Variants in RPP38 observed in about 807,000 individuals in gnomAD.
RPP38 encodes ribonuclease P protein subunit p38.
In RPP38, 2 loss-of-function variants were observed where a neutral mutation model predicts 1.7. The ratio of observed to expected loss-of-function variants is 1.18; its 90% CI spans 0.48 to 3.70. The LOEUF is 3.70. RPP38 is among the 30% of genes most tolerant of loss of function. The pLI is 0.07. For synonymous variants in RPP38, 151 were observed against 131.8 expected, an observed-to-expected ratio of 1.15 and a Z score of -1.00; for missense variants, 358 against 340.1, an observed-to-expected ratio of 1.05 and a Z score of -0.41.
rs576516409 is a variant in RPP38, at chr10:15,098,428, G to T, written c.-130+662G>T. Reference sequence around the variant, plus strand: ...TTAGTAGAGACGGGTCACCACGTTGGTCAGGCTAGTCTCGATCTACTGACC... The same window carrying T: ...TTAGTAGAGACGGGTCACCACGTTGTTCAGGCTAGTCTCGATCTACTGACC... On this transcript the variant is annotated intron_variant, in intron 1 of 2. Coordinates refer to ENST00000378197, the MANE Select transcript of RPP38 (RefSeq NM_183005.5). 2.7e-5 allele frequency among the ~76,000 whole-genome samples: 4 copies of T among 150,634 alleles called. No homozygotes were observed. In the East Asian group the frequency reaches 8.0e-4, roughly 30 times the overall value.
intron 1 of RPP38, among the ~76,000 whole-genome samples, chr10:15,099,579 A>G (rs1845056781): frequency 6.6e-6 from 1 of 151,528 alleles, no homozygotes; most frequent in South Asian, 2.1e-4. Context: ...GGTTCAAGCA[A>G]TTCCCCTACC....
chr10:15,099,085 A>C (rs1214406938), intron 1 of RPP38, among the ~76,000 whole-genome samples: 1 of 152,116 alleles, frequency 6.6e-6, no homozygotes, highest in Non-Finnish European at 1.5e-5. Context: ...AAAAATACTT[A>C]ATCTTTATGG....
chr10:15,099,410 T>A (rs112003997), intron 1 of RPP38, among the ~76,000 whole-genome samples: 2,104 of 152,074 alleles, frequency 0.014, 53 homozygotes, highest in African/African-American at 0.048. Flanking sequence ...GGCTACGGGA[T>A]TGCCTGAGCC....
rs778504574 is a variant in RPP38 at position 15,104,127 on chromosome 10, A to G, written c.813A>G (p.Ile271Met). 4 of 1,577,672 alleles carry G rather than the reference A, an allele frequency of 2.5e-6. No homozygotes were observed. The highest frequency in any genetic ancestry group is 1.2e-5 in the South Asian group (1 of 84,190). Reference sequence around the variant, plus strand: ...AACTGATTCCAAACCCTAATAAGATAAGGAAACCACCCAAAAGTAAAAAAG... The same window carrying G: ...AACTGATTCCAAACCCTAATAAGATGAGGAAACCACCCAAAAGTAAAAAAG... ...IKKLIPNPNK[I>M]RKPPKSKKAT... The change falls in exon 3 of 3, where the codon ATA becomes ATG. Residue 271 changes from isoleucine to methionine, a missense_variant. Physicochemically the swap from Ile to Met is conservative, Grantham distance 10. Transcript: ENST00000378197.
At position 15,103,979 on chromosome 10, in the gene RPP38, A is replaced by T. The variant is rs779734454; in HGVS notation, c.665A>T (p.Glu222Val). 5.0e-6 allele frequency: 8 copies of T among 1,613,986 alleles called. No individual in the cohort carries two copies. The South Asian group carries it at 8.8e-5, about 18-fold the overall frequency. The change falls in exon 3 of 3, where the codon GAA becomes GTA. Residue 222 changes from glutamate to valine, a missense_variant. Glu to Val is a moderately radical substitution (Grantham distance 121). Transcript: ENST00000378197. ...IEDSGENLET[E>V]PLESQDRELL... is the part of the protein sequence containing the mutation. ...GATTCTGGGGAAAATTTAGAGACTG[A>T]ACCTCTGGAAAGCCAAGACAGAGAG...
At chr10:15,099,247 G>C (rs974433486) in intron 1 of RPP38, among the ~76,000 whole-genome samples, 3 of 152,094 alleles carry the variant, frequency 2.0e-5, no homozygotes, top group Non-Finnish European at 2.9e-5. Context: ...TATGTTGTTC[G>C]GTGTTGAGGA....
chr10:15,104,161 A>G lies in RPP38; in HGVS notation c.847A>G (p.Lys283Glu), dbSNP rs762584543. Residue 283 changes from lysine (K) to glutamate (E), a missense_variant, in exon 3 of 3, where the codon AAG becomes GAG. Transcript: ENST00000378197. ...ACCCAAAAGTAAAAAAGCTACTCCAAAGTAATCTTGCATAAACTTGTCATG... is the reference window on the plus strand; with the variant it reads ...ACCCAAAAGTAAAAAAGCTACTCCAGAGTAATCTTGCATAAACTTGTCATG... Reference protein sequence around the residue: ...KPPKSKKATPK With the variant: ...KPPKSKKATPE 1.9e-6 allele frequency: 3 copies of G among 1,564,126 alleles called. No individual in the cohort carries two copies. Among genetic ancestry groups the G allele is most frequent in the Non-Finnish European group, 2.6e-6 (3 of 1,162,160 alleles).
intron 1 of RPP38, among the ~76,000 whole-genome samples, chr10:15,100,174 GC>G (rs1259235963): frequency 6.6e-6 from 1 of 152,142 alleles, no homozygotes; most frequent in Non-Finnish European, 1.5e-5. Flanking sequence ...CAAGTTTATA[GC>G]CTGTTTTGTG....
chr10:15,097,455 G>GA lies in RPP38; in HGVS notation c.-440dup, dbSNP rs1844967824. On this transcript the variant is annotated 5_prime_UTR_variant, in exon 1 of 3. Coordinates refer to ENST00000378197, the MANE Select transcript of RPP38 (RefSeq NM_183005.5). Reference sequence around the variant, plus strand: ...TAGGGCAGGAGGCCAGCCCCGGGGGGATCGGGCCCGGGACTCTGCGGAATC... The same window carrying GA: ...TAGGGCAGGAGGCCAGCCCCGGGGGGAATCGGGCCCGGGACTCTGCGGAATC... The GA allele has an allele frequency of 6.6e-6, 1 of 152,326 alleles. No homozygotes were observed. Among genetic ancestry groups the GA allele is most frequent in the East Asian group, 1.9e-4 (1 of 5,186 alleles). The allele number at this position is 152,326 out of a possible 1,614,324, so 9.4% of individuals were successfully genotyped here. A position where few individuals can be genotyped will look rare whatever the true frequency, so the allele number is the denominator to read the frequency against.
rs777770905 is a variant in RPP38 at position 15,103,491 on chromosome 10, G to A, written c.177G>A (p.Lys59=). ...GGCTTAAAGCTATTGGACTTCAGAAGATTGAAGATAAGAAGAAAAAGAACA... is the reference window on the plus strand; with the variant it reads ...GGCTTAAAGCTATTGGACTTCAGAAAATTGAAGATAAGAAGAAAAAGAACA... The part of the protein sequence containing the change: ...EDRLKAIGLQ[K]IEDKKKKNKT... The change falls in exon 3 of 3, where the codon AAG becomes AAA. Residue 59 remains lysine (K), a synonymous_variant. Transcript: ENST00000378197. The A allele has an allele frequency of 6.2e-6, 10 of 1,613,952 alleles. No individual in the cohort carries two copies. In the Admixed American group the frequency reaches 1.7e-4, roughly 27 times the overall value.
intron 1 of RPP38, among the ~76,000 whole-genome samples, chr10:15,098,298 C>A (rs949948508): frequency 1.4e-5 from 2 of 142,194 alleles, no homozygotes; most frequent in Non-Finnish European, 3.0e-5. Context: ...GATTCCGGCT[C>A]ACTGCAACCT....
At position 15,103,605 on chromosome 10, in the gene RPP38, T is replaced by C; in HGVS notation, c.291T>C (p.Ala97=). The change falls in exon 3 of 3, where the codon GCT becomes GCC. Residue 97 remains alanine, a synonymous_variant. Coordinates refer to ENST00000378197, the MANE Select transcript of RPP38 (RefSeq NM_183005.5). ...SENLKEKKTD[A]KQQVSGWTPA... is the part of the protein sequence containing the mutation. The stretch of plus-strand genomic sequence containing the variant: ...ATCTGAAGGAGAAGAAAACAGATGC[T>C]AAGCAGCAAGTGTCAGGGTGGACGC... The C allele has an allele frequency of 1.2e-6, 2 of 1,614,030 alleles. No homozygotes were observed. Among genetic ancestry groups the C allele is most frequent in the Non-Finnish European group, 1.7e-6 (2 of 1,180,006 alleles).
rs1030107305 is a variant in RPP38 at position 15,097,409 on chromosome 10, G to C, written c.-487G>C. On this transcript the variant is annotated 5_prime_UTR_variant, in exon 1 of 3. Coordinates refer to ENST00000378197, the MANE Select transcript of RPP38 (RefSeq NM_183005.5). ...CACGGATTCGCCATCGTGAGTTCCA[G>C]GTGGGCGCGCGGGGCCCACGTAGGG... The C allele has an allele frequency of 6.6e-6, 1 of 152,360 alleles. No homozygotes were observed. Among genetic ancestry groups the C allele is most frequent in the African/African-American group, 2.4e-5 (1 of 41,470 alleles). The allele number at this position is 152,360 out of a possible 1,614,324, so 9.4% of individuals were successfully genotyped here. A position where few individuals can be genotyped will look rare whatever the true frequency, so the allele number is the denominator to read the frequency against.
chr10:15,101,919 T>C (rs1564548253), intron 1 of RPP38, among the ~76,000 whole-genome samples: 1 of 152,106 alleles, frequency 6.6e-6, no homozygotes, highest in Non-Finnish European at 1.5e-5. Flanking sequence ...AGTGTATGCC[T>C]GCATATGTAT....
intron 1 of RPP38, among the ~76,000 whole-genome samples, chr10:15,101,525 C>T: frequency 6.6e-6 from 1 of 152,162 alleles, no homozygotes; most frequent in African/African-American, 2.4e-5. Flanking sequence ...GGATTAGTAT[C>T]TTTAAATTTC....
In RPP38 at chr10:15,103,825, G is replaced by T. The variant is rs145237477; in HGVS notation, c.511G>T (p.Val171Phe). ...CCGGCTCAGTGAGAGAATCGCCCCCGTCATTGGCTTAAAATGTGTTCTAGC... is the reference window on the plus strand; with the variant it reads ...CCGGCTCAGTGAGAGAATCGCCCCCTTCATTGGCTTAAAATGTGTTCTAGC... ...VPRLSERIAP[V>F]IGLKCVLALA... The change falls in exon 3 of 3, where the codon GTC becomes TTC. Residue 171 changes from valine (V) to phenylalanine (F), a missense_variant. Transcript: ENST00000378197. 9 of 1,613,934 alleles carry T rather than the reference G, an allele frequency of 5.6e-6. No individual in the cohort carries two copies. In the Admixed American group the frequency reaches 1.5e-4, roughly 27 times the overall value.
At chr10:15,101,067 G>C (rs1845095814) in intron 1 of RPP38, among the ~76,000 whole-genome samples, 1 of 152,194 alleles carries the variant, frequency 6.6e-6, no homozygotes, top group Non-Finnish European at 1.5e-5. Context: ...CCAAGCATCT[G>C]CATGTTTTAA....
chr10:15,103,342 C>CG lies in RPP38; in HGVS notation c.32dup (p.Ser12IlefsTer4). 1 of 1,593,422 alleles carries CG rather than the reference C, an allele frequency of 6.3e-7. No homozygotes were observed. The highest frequency in any genetic ancestry group is 8.5e-7 in the Non-Finnish European group (1 of 1,171,554). On this transcript the variant is annotated frameshift_variant, in exon 3 of 3. Coordinates refer to ENST00000378197, the MANE Select transcript of RPP38 (RefSeq NM_183005.5). LOFTEE classifies it low-confidence loss of function (END_TRUNC). ...GGCTGCAGCTCCTCAAGCACCGGGG[C>CG]GGGGATCTCTCCGTAAGACGAGACC... is the stretch of plus-strand genomic sequence containing the variant.
intron 1 of RPP38, 78 bp downstream of exon 1, chr10:15,097,844 C>T (rs1844986272): frequency 6.6e-6 from 1 of 152,406 alleles, no homozygotes; most frequent in Admixed American, 6.5e-5. Flanking sequence ...CGGCGGGATC[C>T]AGAAACCGGG....
Sources: gnomAD v4.1 joint callset for allele counts (sites outside exome capture counted in the v4.1 genomes callset) on GRCh38, gnomAD v4.1.1 for gene constraint, MANE v1.5 for transcripts, NCBI Gene and HGNC (gene_info 2026-07-23, HGNC 2026-07-21) for gene names.